The following SFMBT1 variants were observed in gnomAD, a reference collection of about 807,000 sequenced individuals.
SFMBT1 encodes Scm like with four mbt domains 1.
Under a neutral mutation model 108.7 loss-of-function variants are expected in SFMBT1, and 32 were observed. The observed-to-expected ratio is 0.29, with a 90% confidence interval of 0.22 to 0.40. The LOEUF (loss-of-function observed/expected upper bound fraction) is 0.40, where lower values mean the gene tolerates loss of function less well. Ranked by LOEUF, SFMBT1 falls within the 10% of genes least tolerant of loss-of-function variation. The pLI is 1.00. For missense variants in SFMBT1, 816 were observed against 1,059.6 expected, an observed-to-expected ratio of 0.77 and a Z score of 3.19; for synonymous variants, 348 against 369.5, an observed-to-expected ratio of 0.94 and a Z score of 0.67.
chr3:52,975,546 A>G (rs1704489369), intron 1 of SFMBT1, among the ~76,000 whole-genome samples: 3 of 152,094 alleles, frequency 2.0e-5, no homozygotes, highest in Admixed American at 1.3e-4. Context: ...AAGAACCAAA[A>G]TTAGCTAAAC....
intron 1 of SFMBT1, among the ~76,000 whole-genome samples, chr3:53,017,454 T>C (rs1214143257): frequency 1.3e-5 from 2 of 152,170 alleles, no homozygotes; most frequent in Non-Finnish European, 2.9e-5. Context: ...AGGGATGAAA[T>C]AGTGAGCAAA....
Position 52,966,733 on chromosome 3 carries a change from G to C in SFMBT1, c.28+2368C>G, listed in dbSNP as rs946434131. Among the ~76,000 whole-genome samples the C allele has an allele frequency of 3.3e-5, 5 of 149,512 alleles. No individual in the cohort carries two copies. The South Asian group carries it at 1.1e-3, about 32-fold the overall frequency. On this transcript the variant is annotated intron_variant, in intron 2 of 20. Coordinates refer to ENST00000394752, the MANE Select transcript of SFMBT1 (RefSeq NM_016329.4). ...GGAAAAGAATAAATGACAACATAAA[G>C]AGTAAAAATACTGAAAAATATAATA...
At chr3:52,926,237 T>C in intron 9 of SFMBT1, 124 bp from the exon 10 acceptor site, 1 of 714,772 alleles carries the variant, frequency 1.4e-6, no homozygotes, top group Non-Finnish European at 2.2e-6. Context: ...TTGATCATTT[T>C]AGAGGGGCGA....
chr3:52,928,227 T>C lies in SFMBT1; in HGVS notation c.1012A>G (p.Ser338Gly). Residue 338 changes from serine to glycine, a missense_variant, in exon 9 of 21, where the codon AGT becomes GGT. By Grantham distance (56) the Ser-to-Gly change is moderately conservative. Around this residue, in one of 5 missense-constraint regions of SFMBT1, gnomAD observed 495 missense variants for 607.4 expected, o/e 0.81. Coordinates refer to ENST00000394752, the MANE Select transcript of SFMBT1 (RefSeq NM_016329.4). The stretch of plus-strand genomic sequence containing the variant: ...CTGATGTGTAGGCCATTCTTCAGAC[T>C]CCACTGCACAGGGAAGATGCCAGGA... ...DSPGIFPVQW[S>G]LKNGLHISPP... is the part of the protein sequence containing the mutation. The C allele has an allele frequency of 6.2e-7, 1 of 1,613,526 alleles. No individual in the cohort carries two copies. Among genetic ancestry groups the C allele is most frequent in the South Asian group, 1.1e-5 (1 of 90,984 alleles).
chr3:52,917,649 G>A (rs572562651), intron 13 of SFMBT1, among the ~76,000 whole-genome samples: 20 of 152,278 alleles, frequency 1.3e-4, no homozygotes, highest in Non-Finnish European at 1.0e-4. Context: ...GGAGCATTAC[G>A]GCCTGAGCTC....
At chr3:52,934,593 A>AT (rs1363567846) in intron 5 of SFMBT1, among the ~76,000 whole-genome samples, 1 of 152,146 alleles carries the variant, frequency 6.6e-6, no homozygotes, top group East Asian at 1.9e-4. Flanking sequence ...GGGAAATTAG[A>AT]TTTTTTATGT....
Position 52,913,623 on chromosome 3 carries a change from A to T in SFMBT1, c.1481-6T>A, listed in dbSNP as rs1702267395. 1.2e-6 allele frequency: 2 copies of T among 1,612,502 alleles called. No individual in the cohort carries two copies. The highest frequency in any genetic ancestry group is 1.7e-6 in the Non-Finnish European group (2 of 1,179,484). On this transcript the variant is annotated splice_polypyrimidine_tract_variant and splice_region_variant and intron_variant, in intron 14 of 20. Coordinates refer to ENST00000394752, the MANE Select transcript of SFMBT1 (RefSeq NM_016329.4). The stretch of plus-strand genomic sequence containing the variant: ...ATATTTTCCATTAATCATAACTGGG[A>T]AATGAAGAAAAACAAATATTCAAAA...
Position 52,905,220 on chromosome 3 carries a change from C to T in SFMBT1, c.2517G>A (p.Met839Ile). ...TGATGGCAGGGCCCAATTTTAAGTC[C>T]ATGCATTCTTGAACAGTGGGAAGGG... ...LLTLPTVQEC[M>I]DLKLGPAIKL... is the part of the protein sequence containing the mutation. Residue 839 changes from methionine to isoleucine, a missense_variant, in exon 21 of 21, where the codon ATG becomes ATA. Met to Ile is a conservative substitution (Grantham distance 10). Around this residue, in one of 5 missense-constraint regions of SFMBT1, gnomAD observed 49 missense variants for 91.8 expected, o/e 0.53. Transcript: ENST00000394752. 2 of 1,614,030 alleles carry T rather than the reference C, an allele frequency of 1.2e-6. No individual in the cohort carries two copies. Among genetic ancestry groups the T allele is most frequent in the Non-Finnish European group, 1.7e-6 (2 of 1,179,958 alleles).
intron 20 of SFMBT1, among the ~76,000 whole-genome samples, chr3:52,905,615 T>A (rs1220152694): frequency 1.3e-5 from 2 of 152,222 alleles, no homozygotes; most frequent in Non-Finnish European, 2.9e-5. Context: ...CTTCTAAATC[T>A]GAAACAAAGG....
At chr3:53,036,980 T>C (rs1006262706) in intron 1 of SFMBT1, among the ~76,000 whole-genome samples, 1 of 152,022 alleles carries the variant, frequency 6.6e-6, no homozygotes, top group African/African-American at 2.4e-5. Flanking sequence ...AAGGTCACAA[T>C]GAGATAAAAG....
At chr3:53,023,694 A>G (rs1001583722) in intron 1 of SFMBT1, among the ~76,000 whole-genome samples, 4 of 152,170 alleles carry the variant, frequency 2.6e-5, no homozygotes, top group African/African-American at 9.6e-5. Context: ...GCTTGGTTGC[A>G]GCGAACTCCA....
chr3:53,038,722 A>C (rs1034197867), intron 1 of SFMBT1, among the ~76,000 whole-genome samples: 3 of 152,206 alleles, frequency 2.0e-5, no homozygotes, highest in African/African-American at 7.2e-5. Flanking sequence ...CTAAAATACA[A>C]AGCATTAATT....
chr3:52,948,906 C>A (rs1226695406), intron 3 of SFMBT1, among the ~76,000 whole-genome samples: 3 of 5,968 alleles, frequency 5.0e-4, no homozygotes, highest in East Asian at 0.17. Flanking sequence ...TCAAGCAATT[C>A]TCCCACCTTG....
Position 52,931,026 on chromosome 3 carries a change from T to C in SFMBT1, c.710A>G (p.His237Arg). The C allele has an allele frequency of 6.2e-7, 1 of 1,613,890 alleles. No individual in the cohort carries two copies. Among genetic ancestry groups the C allele is most frequent in the Non-Finnish European group, 8.5e-7 (1 of 1,179,770 alleles). The change falls in exon 7 of 21, where the codon CAT (histidine) becomes CGT (arginine). Residue 237 changes from histidine (H) to arginine (R), a missense_variant. Physicochemically the swap from His to Arg is conservative, Grantham distance 29. Around this residue, in one of 5 missense-constraint regions of SFMBT1, gnomAD observed 495 missense variants for 607.4 expected, o/e 0.81. Transcript: ENST00000394752. ...YELQPPSAIR[H>R]LKNEAEWQEI... ...TTGCCACTCAGCTTCATTTTTTAGA[T>C]GTCTAATGGCTTTAATAAAACATGA...
chr3:53,006,628 C>CAAAAAAAAAAAAAAAA (rs145854514), intron 1 of SFMBT1, among the ~76,000 whole-genome samples: 3 of 126,338 alleles, frequency 2.4e-5, no homozygotes, highest in South Asian at 5.5e-4. Context: ...AACTCCGTCT[C>CAAAAAAAAAAAAAAAA]AAAAAAAAAA....
rs1704253245 is a variant in SFMBT1, at chr3:52,969,087, A to G, written c.28+14T>C. ...TGCATCCTAGAGAATAAATTCTGAG[A>G]ATAAAACCAATACCTGCATCAAGCT... is the stretch of plus-strand genomic sequence containing the variant. On this transcript the variant is annotated intron_variant, in intron 2 of 20. Transcript: ENST00000394752. The G allele has an allele frequency of 6.2e-7, 1 of 1,613,906 alleles. No individual in the cohort carries two copies. The highest frequency in any genetic ancestry group is 1.7e-5 in the Admixed American group (1 of 60,008).
Position 52,920,662 on chromosome 3 carries a change from TAAA to T in SFMBT1, c.1259-15_1259-13del, listed in dbSNP as rs1559510972. On this transcript the variant is annotated splice_polypyrimidine_tract_variant and intron_variant, in intron 11 of 20. Coordinates refer to ENST00000394752, the MANE Select transcript of SFMBT1 (RefSeq NM_016329.4). ...AGGCTTCTTAGAACCTGTTTAGATT[TAAA>T]CAAACAAACAAACAAACAAACAAAC... 6.7e-7 allele frequency: 1 copy of T among 1,489,786 alleles called. No homozygotes were observed. The highest frequency in any genetic ancestry group is 1.4e-5 in the African/African-American group (1 of 70,602). 92.3% of individuals were successfully genotyped at this position (1,489,786 alleles called of 1,614,324 possible).
At chr3:52,942,737 A>C (rs1372206234) in intron 4 of SFMBT1, among the ~76,000 whole-genome samples, 2 of 151,940 alleles carry the variant, frequency 1.3e-5, no homozygotes, top group Non-Finnish European at 2.9e-5. Flanking sequence ...CTGGTCTCGA[A>C]CTCCTGACCT....
intron 1 of SFMBT1, among the ~76,000 whole-genome samples, chr3:52,984,745 TG>T (rs1559537406): frequency 1.3e-5 from 2 of 150,650 alleles, no homozygotes; most frequent in Non-Finnish European, 3.0e-5. Context: ...TGTGTGTGTG[TG>T]TGTGTGTGTG....
Sources: allele counts gnomAD v4.1 joint callset (sites outside exome capture counted in the v4.1 genomes callset), GRCh38; gene constraint gnomAD v4.1.1; regional missense constraint gnomAD v4.1.1; transcripts MANE v1.5; gene names NCBI Gene and HGNC (gene_info 2026-07-23, HGNC 2026-07-21).